OPRM1: variants seen among roughly 807,000 people sequenced by gnomAD.
OPRM1 encodes opioid receptor mu 1.
In OPRM1, 27 loss-of-function variants were observed where a neutral mutation model predicts 31.8. That is an observed-to-expected ratio of 0.85 (90% CI 0.63 to 1.17). OPRM1 has a LOEUF of 1.17. OPRM1 is among the 50% of genes most tolerant of loss of function. The pLI is 0.00. For synonymous variants in OPRM1, 196 were observed against 189.9 expected, an observed-to-expected ratio of 1.03 and a Z score of -0.26; for missense variants, 536 against 511.1, an observed-to-expected ratio of 1.05 and a Z score of -0.47.
chr6:154,134,875 T>C (rs1050239737), downstream of OPRM1, among the ~76,000 whole-genome samples: 2 of 152,076 alleles, frequency 1.3e-5, no homozygotes, highest in Admixed American at 1.3e-4. Context: ...ATGAGAATAG[T>C]AGTTAACCCA....
At chr6:154,171,389 T>C (rs1311544112) in intron 3 of OPRM1, among the ~76,000 whole-genome samples, 1 of 152,162 alleles carries the variant, frequency 6.6e-6, no homozygotes, top group Non-Finnish European at 1.5e-5. Context: ...ATTGCGTGAT[T>C]CCATTTATAT....
chr6:154,204,269 G>T (rs1777307153), intron 3 of OPRM1, among the ~76,000 whole-genome samples: 1 of 152,088 alleles, frequency 6.6e-6, no homozygotes, highest in Non-Finnish European at 1.5e-5. Context: ...TTGACATGGT[G>T]AAAAAATAGT....
At position 154,125,670 on chromosome 6, in the gene OPRM1, C is replaced by A. The variant is rs991101931; in HGVS notation, c.*6949C>A. On this transcript the variant is annotated 3_prime_UTR_variant, in exon 4 of 4. Coordinates refer to ENST00000330432, the MANE Select transcript of OPRM1 (RefSeq NM_000914.5). The stretch of plus-strand genomic sequence containing the variant: ...TTTGCAATTTGATTTTTGAAAGGAC[C>A]TAAAAGTTGAAAACAGGCTATCACA... Among the ~76,000 whole-genome samples the A allele has an allele frequency of 6.6e-6, 1 of 152,110 alleles. No individual in the cohort carries two copies. The highest frequency in any genetic ancestry group is 2.4e-5 in the African/African-American group (1 of 41,396).
rs771617027 is a variant in OPRM1 at position 154,131,888 on chromosome 6, A to C, written c.*13167A>C. On this transcript the variant is annotated 3_prime_UTR_variant, in exon 4 of 4. Coordinates refer to ENST00000330432, the MANE Select transcript of OPRM1 (RefSeq NM_000914.5). ...GCACAAAAAGGAATGTTAAAAAAAA[A>C]CACACAACATTGTTTTCCTTTTGAT... is the stretch of plus-strand genomic sequence containing the variant. Among the ~76,000 whole-genome samples, 1 of 151,838 alleles carries C rather than the reference A, an allele frequency of 6.6e-6. No homozygotes were observed. The highest frequency in any genetic ancestry group is 1.9e-4 in the East Asian group (1 of 5,186).
At chr6:154,213,642 G>A (rs1429628980) in intron 3 of OPRM1, among the ~76,000 whole-genome samples, 1 of 152,242 alleles carries the variant, frequency 6.6e-6, no homozygotes, top group East Asian at 1.9e-4. Context: ...AAGACTATGA[G>A]TTCAGTGGCC....
intron 1 of OPRM1, among the ~76,000 whole-genome samples, chr6:154,031,546 C>G (rs930691764): frequency 2.0e-5 from 3 of 151,784 alleles, no homozygotes; most frequent in Admixed American, 2.0e-4. Flanking sequence ...GCCAGACTGA[C>G]CAAAATGGTG....
At chr6:154,117,934 G>A (rs1178934233) in intron 3 of OPRM1, among the ~76,000 whole-genome samples, 3 of 149,758 alleles carry the variant, frequency 2.0e-5, no homozygotes, top group Non-Finnish European at 3.0e-5. Context: ...AAAGCACATG[G>A]ATAAAGCACA....
chr6:154,234,845 T>A (rs9384194), intron 3 of OPRM1, among the ~76,000 whole-genome samples: 1 of 152,226 alleles, frequency 6.6e-6, no homozygotes, highest in African/African-American at 2.4e-5. Context: ...AATGTAATTT[T>A]AAAAAATGAT....
At chr6:154,081,433 G>A (rs1789113297) in intron 1 of OPRM1, among the ~76,000 whole-genome samples, 1 of 152,202 alleles carries the variant, frequency 6.6e-6, no homozygotes, top group Non-Finnish European at 1.5e-5. Flanking sequence ...GTGAACCCGG[G>A]AGGCGGAGTT....
At chr6:154,215,024 C>G (rs790253) in intron 3 of OPRM1, among the ~76,000 whole-genome samples, 33,690 of 152,110 alleles carry the variant, frequency 0.22, 4,232 homozygotes, top group Admixed American at 0.41. Context: ...ATGACATATA[C>G]TCCTAACTAT....
At chr6:154,113,217 G>T (rs1392919886) in intron 3 of OPRM1, among the ~76,000 whole-genome samples, 1 of 152,176 alleles carries the variant, frequency 6.6e-6, no homozygotes, top group Admixed American at 6.5e-5. Flanking sequence ...TTAAGAATAG[G>T]TTCCTGGCCT....
chr6:154,200,295 A>G (rs144585356), intron 3 of OPRM1, among the ~76,000 whole-genome samples: 1 of 152,364 alleles, frequency 6.6e-6, no homozygotes, highest in East Asian at 1.9e-4. Flanking sequence ...GATTTGTCCT[A>G]TTCTTCAATG....
At chr6:154,070,201 A>G (rs1433337329) in intron 1 of OPRM1, among the ~76,000 whole-genome samples, 1 of 152,220 alleles carries the variant, frequency 6.6e-6, no homozygotes, top group Non-Finnish European at 1.5e-5. Context: ...CTGCTCCTGC[A>G]GCTCATGCAC....
chr6:154,109,792 CTGTGTGTGTGTGTG>C (rs377400514), intron 3 of OPRM1, among the ~76,000 whole-genome samples: 1 of 101,282 alleles, frequency 9.9e-6, no homozygotes, highest in African/African-American at 3.8e-5. Context: ...CTCTCTCTCT[CTGTGTGTGTGTGTG>C]TGTGTGTGTG....
chr6:154,077,268 G>A (rs1234227430), intron 1 of OPRM1, among the ~76,000 whole-genome samples: 1 of 151,722 alleles, frequency 6.6e-6, no homozygotes, highest in Non-Finnish European at 1.5e-5. Context: ...ATCATAAGGG[G>A]GTGGTTTCTG....
chr6:154,120,020 C>A lies in OPRM1; in HGVS notation c.*1299C>A, dbSNP rs1407219627. Among the ~76,000 whole-genome samples the A allele has an allele frequency of 6.6e-6, 1 of 152,136 alleles. No individual in the cohort carries two copies. The highest frequency in any genetic ancestry group is 1.5e-5 in the Non-Finnish European group (1 of 67,998). ...ACACAGTAGAGATTTGGCAATCAAC[C>A]ATTTTACTTGATCTAGGTAGACAGC... is the stretch of plus-strand genomic sequence containing the variant. On this transcript the variant is annotated 3_prime_UTR_variant, in exon 4 of 4. Coordinates refer to ENST00000330432, the MANE Select transcript of OPRM1 (RefSeq NM_000914.5).
intron 1 of OPRM1, among the ~76,000 whole-genome samples, chr6:154,062,849 A>G (rs1245058053): frequency 6.6e-6 from 1 of 152,088 alleles, no homozygotes; most frequent in Non-Finnish European, 1.5e-5. Context: ...ATAAACAGAA[A>G]TGCTCATCAA....
At chr6:154,088,421 C>T (rs757350759) in intron 1 of OPRM1, among the ~76,000 whole-genome samples, 3 of 152,202 alleles carry the variant, frequency 2.0e-5, no homozygotes, top group South Asian at 4.1e-4. Context: ...CAGAGGTTGA[C>T]ATTTTTTTCT....
chr6:154,199,854 C>A lies in OPRM1; in HGVS notation c.1165-46839C>A, dbSNP rs1375520688. 4 of 1,614,216 alleles carry A rather than the reference C, an allele frequency of 2.5e-6. No individual in the cohort carries two copies. The East Asian group carries it at 8.9e-5, about 36-fold the overall frequency. The stretch of plus-strand genomic sequence containing the variant: ...GGTACAGGTGAATGAACTTGCACAG[C>A]AAACGTTATTGGTTGTCCCTCATCT... On this transcript the variant is annotated intron_variant, in intron 3 of 3. Transcript: ENST00000337049.
Sources: allele counts gnomAD v4.1 joint callset (sites outside exome capture counted in the v4.1 genomes callset), GRCh38; gene constraint gnomAD v4.1.1; transcripts MANE v1.5; gene names NCBI Gene and HGNC (gene_info 2026-07-23, HGNC 2026-07-21).